Variants in RAB43 observed in about 807,000 individuals in gnomAD.
RAB43 encodes ras-related protein Rab-43.
A neutral mutation model predicts 18.8 loss-of-function variants in RAB43; 6 were observed. The ratio of observed to expected loss-of-function variants is 0.32; its 90% CI spans 0.17 to 0.63. RAB43 has a LOEUF of 0.63. RAB43 is among the 30% of genes least tolerant of loss of function. The pLI, the probability that RAB43 is intolerant of heterozygous loss-of-function variation, is 0.79. For missense variants in RAB43, 195 were observed against 289.1 expected (o/e 0.67, Z 2.36); for synonymous variants, 103 against 124.1 (o/e 0.83, Z 1.13).
chr3:129,102,069 A>C (rs1193335686), intron 1 of RAB43, among the ~76,000 whole-genome samples: 2 of 152,150 alleles, frequency 1.3e-5, no homozygotes, highest in African/African-American at 4.8e-5. Flanking sequence ...CCTAGGGATC[A>C]CCTGTGACCA....
chr3:129,097,299 C>T (rs914387498), intron 1 of RAB43, among the ~76,000 whole-genome samples: 3 of 152,170 alleles, frequency 2.0e-5, no homozygotes, highest in Non-Finnish European at 2.9e-5. Flanking sequence ...GACCACACTG[C>T]ATCCATGGGC....
intron 1 of RAB43, among the ~76,000 whole-genome samples, chr3:129,117,415 G>C (rs1362681728): frequency 1.3e-5 from 2 of 152,176 alleles, no homozygotes; most frequent in African/African-American, 4.8e-5. Flanking sequence ...CTCTGTCAGA[G>C]ACTCCACAGT....
At chr3:129,120,124 G>A (rs1234315942) in intron 1 of RAB43, among the ~76,000 whole-genome samples, 1 of 152,202 alleles carries the variant, frequency 6.6e-6, no homozygotes, top group Non-Finnish European at 1.5e-5. Flanking sequence ...AGGAGTTTCT[G>A]CTTCCCCGTC....
In RAB43 at chr3:129,095,546, G is replaced by A. The variant is rs1312315038; in HGVS notation, c.205-377C>T. On this transcript the variant is annotated intron_variant, in intron 1 of 2. Transcript: ENST00000315150. This position sits in a 1 kb window ranked among gnomAD's most constrained non-coding sequence, Gnocchi z 4.2. ...AAAGCTGGCTCCAGGTGCACTGCAC[G>A]GCCAGCAGTAGGCACGGCCAGGTAC... Among the ~76,000 whole-genome samples, 3 of 152,164 alleles carry A rather than the reference G, an allele frequency of 2.0e-5. No homozygotes were observed. Among genetic ancestry groups the A allele is most frequent in the Non-Finnish European group, 4.4e-5 (3 of 68,018 alleles).
intron 1 of RAB43, among the ~76,000 whole-genome samples, chr3:129,096,480 C>T (rs1454973983): frequency 6.6e-6 from 1 of 152,214 alleles, no homozygotes; most frequent in East Asian, 1.9e-4. Context: ...ATGTGTGTAC[C>T]ACACAAGCCT....
At chr3:129,093,249 T>A (rs1933801977) in intron 2 of RAB43, among the ~76,000 whole-genome samples, 1 of 151,720 alleles carries the variant, frequency 6.6e-6, no homozygotes, top group Non-Finnish European at 1.5e-5. Context: ...CCTCAGCCTC[T>A]CAGTGTTAGG....
chr3:129,098,079 C>T (rs556829917), intron 1 of RAB43, among the ~76,000 whole-genome samples: 28 of 152,236 alleles, frequency 1.8e-4, no homozygotes, highest in African/African-American at 6.7e-4. Context: ...CAGAGAGTGC[C>T]CCTTCCAGAG....
intron 2 of RAB43, 62 bp from the exon 3 acceptor site, chr3:129,091,408 G>T: frequency 6.5e-7 from 1 of 1,539,680 alleles, no homozygotes; most frequent in Admixed American, 2.0e-5. Context: ...GTCCCACCTG[G>T]GAGGGTCACG....
rs1179638629 is a variant in RAB43 at position 129,087,921 on chromosome 3, CCTCT to C, written c.*3171_*3174del. On this transcript the variant is annotated 3_prime_UTR_variant, in exon 3 of 3. Coordinates refer to ENST00000315150, the MANE Select transcript of RAB43 (RefSeq NM_198490.3). ...CCCCACCGAGGCCTCAGCCCACCTC[CCTCT>C]GCTTCCCCCCGCCACCTCCACCATT... is the stretch of plus-strand genomic sequence containing the variant. The C allele has an allele frequency of 1.3e-5, 2 of 149,318 alleles. No individual in the cohort carries two copies. Among genetic ancestry groups the C allele is most frequent in the African/African-American group, 2.5e-5 (1 of 40,368 alleles). 9.2% of individuals were successfully genotyped at this position (149,318 alleles called of 1,614,324 possible).
chr3:129,114,221 A>G (rs1935348920), intron 1 of RAB43, among the ~76,000 whole-genome samples: 1 of 152,196 alleles, frequency 6.6e-6, no homozygotes, highest in Non-Finnish European at 1.5e-5. Context: ...AGTACTGGGC[A>G]TTAAAATGTT....
chr3:129,109,874 T>G (rs1040317730), intron 1 of RAB43, among the ~76,000 whole-genome samples: 2 of 151,752 alleles, frequency 1.3e-5, no homozygotes, highest in African/African-American at 4.8e-5. Flanking sequence ...TCTTTTCCTT[T>G]TTTTTTGTGA....
At position 129,106,703 on chromosome 3, in the gene RAB43, G is replaced by A. The variant is rs754477355; in HGVS notation, c.205-11534C>T. On this transcript the variant is annotated intron_variant, in intron 1 of 2. Transcript: ENST00000315150. Reference sequence around the variant, plus strand: ...ACTGCAATGCATGCAGTCTGGTGTCGGGGGCACAAATTCTCCTCTGCAATA... The same window carrying A: ...ACTGCAATGCATGCAGTCTGGTGTCAGGGGCACAAATTCTCCTCTGCAATA... 1.1e-3 allele frequency among the ~76,000 whole-genome samples: 170 copies of A among 152,224 alleles called. 3 individuals carry two copies. Among genetic ancestry groups the A allele is most frequent in the African/African-American group, 5.1e-4 (21 of 41,546 alleles).
At chr3:129,115,746 G>A (rs768460792) in intron 1 of RAB43, among the ~76,000 whole-genome samples, 1 of 151,200 alleles carries the variant, frequency 6.6e-6, no homozygotes, top group East Asian at 2.0e-4. Flanking sequence ...GCTTGAACCT[G>A]GGAGGTGGAG....
intron 1 of RAB43, among the ~76,000 whole-genome samples, chr3:129,117,809 G>C (rs1240358562): frequency 1.3e-5 from 2 of 152,148 alleles, no homozygotes; most frequent in Non-Finnish European, 2.9e-5. Flanking sequence ...CCAAACCCTT[G>C]GTTTTGCCAC....
chr3:129,096,202 G>A (rs1934041393), intron 1 of RAB43, among the ~76,000 whole-genome samples: 1 of 152,230 alleles, frequency 6.6e-6, no homozygotes, highest in Non-Finnish European at 1.5e-5. Flanking sequence ...AGGTCTGTCT[G>A]GGGTGGGGAA....
chr3:129,091,129 C>T lies in RAB43; in HGVS notation c.606G>A (p.Lys202=). ...CGCAGCCCCAGCCTTCTCCGATGTC[C>T]TTGCTGTTCAGCTGGATGTGGTCGG... ...KSPDHIQLNS[K]DIGEGWGCGC The change falls in exon 3 of 3, where the codon AAG becomes AAA. Residue 202 remains lysine (K), a synonymous_variant. Transcript: ENST00000315150. The T allele has an allele frequency of 1.3e-6, 2 of 1,595,950 alleles. No individual in the cohort carries two copies. Among genetic ancestry groups the T allele is most frequent in the Non-Finnish European group, 1.7e-6 (2 of 1,172,160 alleles).
At chr3:129,109,318 G>A (rs1292385266) in intron 1 of RAB43, among the ~76,000 whole-genome samples, 1 of 151,784 alleles carries the variant, frequency 6.6e-6, no homozygotes, top group Non-Finnish European at 1.5e-5. Flanking sequence ...GCTGAGGCAG[G>A]AGAATGGCGT....
intron 1 of RAB43, among the ~76,000 whole-genome samples, chr3:129,098,869 T>C (rs1934231680): frequency 6.6e-6 from 1 of 152,086 alleles, no homozygotes; most frequent in Non-Finnish European, 1.5e-5. Context: ...GGTCAGGAGT[T>C]GAAGACCAGC....
In RAB43 at chr3:129,115,924, C is replaced by T. The variant is rs958561476; in HGVS notation, c.204+5362G>A. ...GATGAAATCTCACGCCATCCTGCTC[C>T]GTCCCACCTGGGATGTGAATCATAC... On this transcript the variant is annotated intron_variant, in intron 1 of 2. Coordinates refer to ENST00000315150, the MANE Select transcript of RAB43 (RefSeq NM_198490.3). Among the ~76,000 whole-genome samples, 5 of 152,200 alleles carry T rather than the reference C, an allele frequency of 3.3e-5. No individual in the cohort carries two copies. The East Asian group carries it at 5.8e-4, about 18-fold the overall frequency.
Sources: gnomAD v4.1 joint callset for allele counts (sites outside exome capture counted in the v4.1 genomes callset) on GRCh38, gnomAD v4.1.1 for gene constraint, Gnocchi (gnomAD v3.1) non-coding constraint, MANE v1.5 for transcripts, NCBI Gene and HGNC (gene_info 2026-07-23, HGNC 2026-07-21) for gene names.